SLC16A12: variants seen among roughly 807,000 people sequenced by gnomAD.
SLC16A12 encodes the protein monocarboxylate transporter 12.
Under a neutral mutation model 42.4 loss-of-function variants are expected in SLC16A12, and 17 were observed. The ratio of observed to expected loss-of-function variants is 0.40; its 90% CI spans 0.27 to 0.60. The LOEUF is 0.60. SLC16A12 is among the 20% of genes least tolerant of loss of function. The pLI is 0.42. For missense variants in SLC16A12, 544 were observed against 623.0 expected, an observed-to-expected ratio of 0.87 and a Z score of 1.35; for synonymous variants, 224 against 229.4, an observed-to-expected ratio of 0.98 and a Z score of 0.21.
At chr10:89,456,321 C>T (rs1842189001) in intron 3 of SLC16A12, 1 of 152,176 alleles carries the variant, frequency 6.6e-6, no homozygotes, top group South Asian at 2.1e-4. Flanking sequence ...AAGAACTCTA[C>T]AATCCCATAG....
At chr10:89,538,458 C>G (rs1843693943), upstream of SLC16A12, among the ~76,000 whole-genome samples, 1 of 152,176 alleles carries the variant, frequency 6.6e-6, no homozygotes, top group African/African-American at 2.4e-5. Flanking sequence ...AAGTGCTTCA[C>G]TCCAAGATGT....
At chr10:89,507,820 T>C (rs915906842) in intron 2 of SLC16A12, among the ~76,000 whole-genome samples, 3 of 152,136 alleles carry the variant, frequency 2.0e-5, no homozygotes, top group African/African-American at 7.2e-5. Flanking sequence ...CAGTGCACTG[T>C]ATTCAGGAGA....
At chr10:89,501,678 G>GA (rs1206262761) in intron 2 of SLC16A12, among the ~76,000 whole-genome samples, 25 of 152,184 alleles carry the variant, frequency 1.6e-4, no homozygotes, top group African/African-American at 6.0e-4. Flanking sequence ...TCGAACCCAG[G>GA]AGATGAAGGT....
At chr10:89,461,082 AGATTTCTATTT>A (rs1218888427) in intron 3 of SLC16A12, among the ~76,000 whole-genome samples, 1 of 152,218 alleles carries the variant, frequency 6.6e-6, no homozygotes, top group Non-Finnish European at 1.5e-5. Context: ...AGAGAAATAA[AGATTTCTATTT>A]GAATGAAAGC....
Position 89,534,659 on chromosome 10 carries a change from A to T in SLC16A12, c.-186-19T>A, listed in dbSNP as rs1843619916. The T allele has an allele frequency of 6.7e-6, 1 of 148,616 alleles. No individual in the cohort carries two copies. The highest frequency in any genetic ancestry group is 2.1e-4 in the South Asian group (1 of 4,740). 9.2% of individuals were successfully genotyped at this position (148,616 alleles called of 1,614,324 possible). ...CCTGTATCTGCAAAAAAAAAAAAAA[A>T]AAAAAAAAAAAATCCAAAAATTAGC... On this transcript the variant is annotated intron_variant, in intron 1 of 7. Transcript: ENST00000371790.
At chr10:89,497,318 T>C (rs1361071110) in intron 2 of SLC16A12, among the ~76,000 whole-genome samples, 1 of 152,224 alleles carries the variant, frequency 6.6e-6, no homozygotes, top group African/African-American at 2.4e-5. Flanking sequence ...AAGTTTCTTT[T>C]GGTTTTTATT....
At position 89,476,753 on chromosome 10, in the gene SLC16A12, A is replaced by G. The variant is rs149437533; in HGVS notation, c.-46-14129T>C. Among the ~76,000 whole-genome samples the G allele has an allele frequency of 4.7e-3, 710 of 152,378 alleles. 7 individuals are homozygous for G. Among genetic ancestry groups the G allele is most frequent in the African/African-American group, 0.016 (667 of 41,592 alleles). On this transcript the variant is annotated intron_variant, in intron 2 of 7. Transcript: ENST00000371790. ...TAACTGACTACATCTCTCTGGGCAC[A>G]TACCTAGGCCCTGACCCCAGACCAG... is the stretch of plus-strand genomic sequence containing the variant.
chr10:89,500,821 AC>A (rs1331748279), intron 2 of SLC16A12, among the ~76,000 whole-genome samples: 1 of 152,174 alleles, frequency 6.6e-6, no homozygotes, highest in Non-Finnish European at 1.5e-5. Context: ...GAAATAAAGC[AC>A]ATCCAAATCA....
intron 2 of SLC16A12, among the ~76,000 whole-genome samples, chr10:89,506,989 C>A (rs1843073128): frequency 6.6e-6 from 1 of 151,372 alleles, no homozygotes; most frequent in African/African-American, 2.4e-5. Flanking sequence ...GATTGAAGAC[C>A]AAATTAATGA....
chr10:89,462,482 T>G lies in SLC16A12; in HGVS notation c.97A>C (p.Lys33Gln), dbSNP rs144003754. 3 of 1,614,082 alleles carry G rather than the reference T, an allele frequency of 1.9e-6. No individual in the cohort carries two copies. Among genetic ancestry groups the G allele is most frequent in the Non-Finnish European group, 2.5e-6 (3 of 1,179,968 alleles). Residue 33 changes from lysine to glutamine, a missense_variant, in exon 3 of 8, where the codon AAA becomes CAA. By Grantham distance (53) the Lys-to-Gln change is moderately conservative (BLOSUM62 1). Coordinates refer to ENST00000371790, the MANE Select transcript of SLC16A12 (RefSeq NM_213606.4). ...GKEEKRKTMAKVNRARSTSPP... is the reference protein window; with the variant it reads ...GKEEKRKTMAQVNRARSTSPP... ...GAGGTAGACCGAGCTCTATTTACTT[T>G]TGCCATGGTTTTTCTTTTTTCTTCT...
intron 3 of SLC16A12, among the ~76,000 whole-genome samples, chr10:89,456,998 T>C (rs1202102847): frequency 6.6e-6 from 1 of 152,214 alleles, no homozygotes; most frequent in African/African-American, 2.4e-5. Context: ...CTATTGTGAA[T>C]AGGGCAGCAC....
intron 2 of SLC16A12, among the ~76,000 whole-genome samples, chr10:89,544,306 G>A (rs115189459): frequency 0.011 from 1,659 of 152,294 alleles, 26 homozygotes; most frequent in African/African-American, 0.038. Context: ...ATAGACAAAA[G>A]AGAAGAGTTA....
At chr10:89,507,856 T>C (rs921569268) in intron 2 of SLC16A12, among the ~76,000 whole-genome samples, 13 of 152,140 alleles carry the variant, frequency 8.5e-5, no homozygotes, top group South Asian at 2.1e-4. Context: ...AAGACACATA[T>C]AGGCTCAAAA....
At position 89,432,671 on chromosome 10, in the gene SLC16A12, T is replaced by C. The variant is rs536853562; in HGVS notation, c.*393A>G. On this transcript the variant is annotated 3_prime_UTR_variant, in exon 8 of 8. Transcript: ENST00000371790. Reference sequence around the variant, plus strand: ...GTAAGCAAAGCTACACGTTAATGTTTCCATTTTCTTTCTGAGGAGGGAACA... The same window carrying C: ...GTAAGCAAAGCTACACGTTAATGTTCCCATTTTCTTTCTGAGGAGGGAACA... 2.7e-5 allele frequency: 5 copies of C among 185,706 alleles called. No homozygotes were observed. In the East Asian group the frequency reaches 7.3e-4, roughly 27 times the overall value. The allele number at this position is 185,706 out of a possible 1,614,324, so 11.5% of individuals were successfully genotyped here.
chr10:89,481,412 T>G (rs1293647080), intron 2 of SLC16A12, among the ~76,000 whole-genome samples: 1 of 152,092 alleles, frequency 6.6e-6, no homozygotes, highest in Non-Finnish European at 1.5e-5. Flanking sequence ...CATTTGTCTA[T>G]ATATATATGT....
intron 2 of SLC16A12, among the ~76,000 whole-genome samples, chr10:89,517,124 A>T (rs767892931): frequency 1.1e-4 from 16 of 152,120 alleles, no homozygotes; most frequent in African/African-American, 2.9e-4. Flanking sequence ...ACTTAGGAGG[A>T]TAAGGCAGGA....
chr10:89,518,601 A>C (rs1351083097), intron 2 of SLC16A12, among the ~76,000 whole-genome samples: 1 of 152,202 alleles, frequency 6.6e-6, no homozygotes, highest in Admixed American at 6.5e-5. Context: ...CAAATCTGGA[A>C]AAAGAAACGA....
chr10:89,439,753 G>C (rs1454536537), intron 5 of SLC16A12, among the ~76,000 whole-genome samples: 1 of 152,084 alleles, frequency 6.6e-6, no homozygotes, highest in Non-Finnish European at 1.5e-5. Context: ...GACAAATGTT[G>C]ACACTTTAGA....
intron 2 of SLC16A12, among the ~76,000 whole-genome samples, chr10:89,551,215 GCAGATCACTTGAGGT>G (rs1371388266): frequency 6.6e-6 from 1 of 152,148 alleles, no homozygotes; most frequent in Non-Finnish European, 1.5e-5. Flanking sequence ...GCCAAGGAAG[GCAGATCACTTGAGGT>G]CAGGAGTTCG....
Sources: gnomAD v4.1 joint callset for allele counts (sites outside exome capture counted in the v4.1 genomes callset) on GRCh38, gnomAD v4.1.1 for gene constraint, MANE v1.5 for transcripts, NCBI Gene and HGNC (gene_info 2026-07-23, HGNC 2026-07-21) for gene names.